Variants in DNAH14 observed in about 807,000 individuals in gnomAD.
DNAH14 encodes axonemal beta dynein heavy chain 14.
DNAH14 carries 478 observed loss-of-function variants against 520.9 expected under a neutral mutation model. That is an observed-to-expected ratio of 0.92 (90% CI 0.85 to 0.99). The LOEUF (loss-of-function observed/expected upper bound fraction) is 0.99, where lower values mean the gene tolerates loss of function less well. Among genes scored for constraint, DNAH14 ranks in the 50% least tolerant of loss-of-function variants. DNAH14 has a pLI of 0.00. For synonymous variants in DNAH14, 1,581 were observed against 1,757.2 expected (o/e 0.90, Z 2.51); for missense variants, 4,831 against 5,234.5 (o/e 0.92, Z 2.38).
intron 17 of DNAH14, among the ~76,000 whole-genome samples, chr1:225,071,379 TA>T (rs1330988283): frequency 6.6e-6 from 1 of 152,174 alleles, no homozygotes; most frequent in Non-Finnish European, 1.5e-5. Flanking sequence ...GGTCTGGTGG[TA>T]ACAAATTCTC....
Position 225,370,915 on chromosome 1 carries a change from T to C in DNAH14, c.12318+2883T>C, listed in dbSNP as rs192889028. Among the ~76,000 whole-genome samples, 4 of 152,268 alleles carry C rather than the reference T, an allele frequency of 2.6e-5. 1 individual carries two copies. The East Asian group carries it at 7.7e-4, about 29-fold the overall frequency. ...AATTTGAAAATCTAGATGAAGCCAATGATTACTTAGAAAATATGAATTATC... is the reference window on the plus strand; with the variant it reads ...AATTTGAAAATCTAGATGAAGCCAACGATTACTTAGAAAATATGAATTATC... On this transcript the variant is annotated intron_variant, in intron 77 of 85. Coordinates refer to ENST00000682510, the MANE Select transcript of DNAH14 (RefSeq NM_001367479.1).
At chr1:225,335,362 C>CGT (rs1553335284) in intron 66 of DNAH14, among the ~76,000 whole-genome samples, 7,315 of 50,634 alleles carry the variant, frequency 0.14, 1,759 homozygotes, top group East Asian at 0.34. Flanking sequence ...TGCATATACA[C>CGT]GTGTACATGT....
intron 3 of DNAH14, among the ~76,000 whole-genome samples, chr1:224,955,995 C>T (rs1184816945): frequency 1.3e-5 from 2 of 152,004 alleles, no homozygotes; most frequent in Non-Finnish European, 2.9e-5. Flanking sequence ...GATACCTCCT[C>T]GTGGCTAATC....
chr1:225,104,445 G>T (rs1303838379), intron 23 of DNAH14, among the ~76,000 whole-genome samples: 1 of 152,292 alleles, frequency 6.6e-6, no homozygotes, highest in African/African-American at 2.4e-5. Flanking sequence ...GTTTGGAATT[G>T]TTTCAGAAGG....
intron 65 of DNAH14, among the ~76,000 whole-genome samples, chr1:225,332,500 G>A (rs115108815): frequency 2.0e-5 from 3 of 152,210 alleles, no homozygotes; most frequent in African/African-American, 7.2e-5. Flanking sequence ...TCAGATCCCA[G>A]CTACACCCCT....
At chr1:225,274,697 G>C (rs2093422982) in intron 52 of DNAH14, among the ~76,000 whole-genome samples, 1 of 152,212 alleles carries the variant, frequency 6.6e-6, no homozygotes, top group African/African-American at 2.4e-5. Flanking sequence ...TAGAAAATGA[G>C]CAAGCAAATA....
chr1:225,299,803 A>G (rs1333701021), intron 55 of DNAH14, among the ~76,000 whole-genome samples: 1 of 152,126 alleles, frequency 6.6e-6, no homozygotes, highest in African/African-American at 2.4e-5. Flanking sequence ...AGTGTGTAAC[A>G]AGCTTTGGCA....
Position 225,270,970 on chromosome 1 carries a change from G to A in DNAH14, c.7671+104G>A, listed in dbSNP as rs185450361. 1.6e-3 allele frequency: 1,909 copies of A among 1,207,098 alleles called. 23 individuals carry two copies. In the African/African-American group the frequency reaches 0.026, roughly 17 times the overall value. The allele number at this position is 1,207,098 out of a possible 1,614,324, so 74.8% of individuals were successfully genotyped here. ...AATATTGAAAGAAAATTACTTTAAG[G>A]GGATAGATTTTATTTCCCCGTATGT... On this transcript the variant is annotated intron_variant, in intron 50 of 85. Transcript: ENST00000682510.
In DNAH14 at chr1:224,953,260, T is replaced by C. The variant is rs529730246; in HGVS notation, c.77+481T>C. Among the ~76,000 whole-genome samples, 61 of 151,988 alleles carry C rather than the reference T, an allele frequency of 4.0e-4. 1 individual carries two copies. Among genetic ancestry groups the C allele is most frequent in the African/African-American group, 1.4e-3 (58 of 41,446 alleles). On this transcript the variant is annotated intron_variant, in intron 2 of 85. Coordinates refer to ENST00000682510, the MANE Select transcript of DNAH14 (RefSeq NM_001367479.1). ...ACCTCAGCCCCCCGAGTAGCTGGGG[T>C]TACAGGTGCCCACTACCACACCTGG...
intron 8 of DNAH14, among the ~76,000 whole-genome samples, chr1:224,990,064 C>T (rs1404331931): frequency 1.3e-5 from 2 of 151,602 alleles, no homozygotes; most frequent in African/African-American, 2.4e-5. Context: ...TTACTAGCTT[C>T]ATAAAATGAA....
chr1:225,209,743 G>A (rs2088095090), intron 41 of DNAH14, among the ~76,000 whole-genome samples: 1 of 152,026 alleles, frequency 6.6e-6, no homozygotes, highest in Admixed American at 6.6e-5. Context: ...CAGTCTGCAG[G>A]TCCCAGCGAG....
At chr1:225,012,936 T>G (rs2064912002) in intron 10 of DNAH14, among the ~76,000 whole-genome samples, 1 of 152,178 alleles carries the variant, frequency 6.6e-6, no homozygotes, top group Non-Finnish European at 1.5e-5. Flanking sequence ...GAGTTTGTTA[T>G]TACCCACCTT....
chr1:225,312,860 G>A (rs891398409), intron 60 of DNAH14, among the ~76,000 whole-genome samples: 4 of 152,116 alleles, frequency 2.6e-5, no homozygotes, highest in African/African-American at 9.7e-5. Context: ...ATTTTTTGAC[G>A]ATTTTCACAT....
chr1:225,339,141 CAAA>C (rs5781399), intron 68 of DNAH14, among the ~76,000 whole-genome samples: 26 of 131,456 alleles, frequency 2.0e-4, no homozygotes, highest in Non-Finnish European at 2.4e-4. Flanking sequence ...CAATGAAATA[CAAA>C]AAAAAAAAAA....
chr1:225,007,426 G>T lies in DNAH14; in HGVS notation c.989G>T (p.Arg330Leu). 3.9e-6 allele frequency: 6 copies of T among 1,534,808 alleles called. No homozygotes were observed. Among genetic ancestry groups the T allele is most frequent in the South Asian group, 3.7e-5 (3 of 81,620 alleles). ...TCATCTAATTAGCTGGATAGTTCTC[G>T]AACATATTCTCTAGATGAATTTTGT... ...AICLVKLDSS[R>L]TYSLDEFCEE... is the part of the protein sequence containing the mutation. The change falls in exon 10 of 86, where the codon CGA becomes CTA. Residue 330 changes from arginine to leucine, a missense_variant. By Grantham distance (102) the Arg-to-Leu change is moderately radical. Coordinates refer to ENST00000682510, the MANE Select transcript of DNAH14 (RefSeq NM_001367479.1).
chr1:224,935,483 G>C (rs1440213489), intron 1 of DNAH14, among the ~76,000 whole-genome samples: 1 of 151,738 alleles, frequency 6.6e-6, no homozygotes, highest in African/African-American at 2.4e-5. Context: ...AAAAAGACAA[G>C]GTCGTTATAT....
At chr1:225,327,160 CTTT>C (rs10712547) in intron 64 of DNAH14, among the ~76,000 whole-genome samples, 3 of 144,054 alleles carry the variant, frequency 2.1e-5, no homozygotes, top group East Asian at 2.0e-4. Context: ...AAATTAGTAA[CTTT>C]TTTTTTTTTT....
intron 10 of DNAH14, among the ~76,000 whole-genome samples, chr1:225,021,640 C>T (rs1019971890): frequency 2.0e-5 from 3 of 152,030 alleles, no homozygotes; most frequent in Non-Finnish European, 4.4e-5. Flanking sequence ...AGAGATGACA[C>T]AAACAAATGG....
intron 11 of DNAH14, among the ~76,000 whole-genome samples, chr1:225,025,200 C>A (rs1263950263): frequency 6.6e-6 from 1 of 151,808 alleles, no homozygotes; most frequent in South Asian, 2.1e-4. Context: ...TAGCTGTGCA[C>A]GATGGCACTG....
Sources: gnomAD v4.1 joint callset for allele counts (sites outside exome capture counted in the v4.1 genomes callset) on GRCh38, gnomAD v4.1.1 for gene constraint, MANE v1.5 for transcripts, NCBI Gene and HGNC (gene_info 2026-07-23, HGNC 2026-07-21) for gene names.